Variants in LCE1D observed in about 807,000 individuals in gnomAD.
LCE1D encodes the protein late cornified envelope 1D, also known as late cornified envelope protein 1D.
For synonymous variants in LCE1D, 44 were observed against 65.0 expected (o/e 0.68, Z 1.55); for missense variants, 86 against 164.4 (o/e 0.52, Z 2.61).
chr1:152,797,603 G>T (rs562307911), intron 1 of LCE1D, among the ~76,000 whole-genome samples, 170 bp from the exon 2 acceptor site: 4 of 135,828 alleles, frequency 2.9e-5, no homozygotes, highest in African/African-American at 1.1e-4. Flanking sequence ...TTAGTTTACA[G>T]TTGTCTGACA....
rs1268725163 is a variant in LCE1D, at chr1:152,797,863, G to A, written c.69G>A (p.Lys23=). 1.0e-5 allele frequency: 15 copies of A among 1,438,178 alleles called. 4 individuals carry two copies. Among genetic ancestry groups the A allele is most frequent in the Non-Finnish European group, 1.5e-5 (15 of 1,033,410 alleles). 89.1% of individuals were successfully genotyped at this position (1,438,178 alleles called of 1,614,324 possible). A position where few individuals can be genotyped will look rare whatever the true frequency, so the allele number is the denominator to read the frequency against. ...AGTGCACTCCCAAGTGCACTCCCAA[G>A]TGCCCCGCCCCTAAATGTCCCCCTA... is the stretch of plus-strand genomic sequence containing the variant. ...PPKCTPKCTP[K]CPAPKCPPKC... The change falls in exon 2 of 2, where the codon AAG becomes AAA. Residue 23 remains lysine (K), a synonymous_variant. Transcript: ENST00000326233.
Position 152,797,992 on chromosome 1 carries a change from TG to T in LCE1D, c.203del (p.Gly68ValfsTer6), listed in dbSNP as rs1652105530. On this transcript the variant is annotated frameshift_variant, in exon 2 of 2. Coordinates refer to ENST00000326233, the MANE Select transcript of LCE1D (RefSeq NM_178352.3). LOFTEE classifies it high-confidence loss of function. ...GSNSGGCCSS[G>X]GGGCCLSHHR... ...CCAACTCTGGGGGCTGCTGCAGCTC[TG>T]GGGGTGGTGGCTGCTGCCTGAGCCA... 6.9e-7 allele frequency: 1 copy of T among 1,440,216 alleles called. No homozygotes were observed. Among genetic ancestry groups the T allele is most frequent in the South Asian group, 1.1e-5 (1 of 87,372 alleles). 89.2% of individuals were successfully genotyped at this position (1,440,216 alleles called of 1,614,324 possible).
In LCE1D at chr1:152,797,855, A is replaced by C. The variant is rs148081767; in HGVS notation, c.61A>C (p.Thr21Pro). 80 of 1,433,062 alleles carry C rather than the reference A, an allele frequency of 5.6e-5. 13 individuals are homozygous for C. Among genetic ancestry groups the C allele is most frequent in the African/African-American group, 2.2e-4 (15 of 66,760 alleles). The allele number at this position is 1,433,062 out of a possible 1,614,324, so 88.8% of individuals were successfully genotyped here. A position where few individuals can be genotyped will look rare whatever the true frequency, so the allele number is the denominator to read the frequency against. Residue 21 changes from threonine (T) to proline (P), a missense_variant, in exon 2 of 2, where the codon ACT (threonine) becomes CCT (proline). Physicochemically the swap from Thr to Pro is conservative, Grantham distance 38. Transcript: ENST00000326233. ...CCCTCCCAAGTGCACTCCCAAGTGCACTCCCAAGTGCCCCGCCCCTAAATG... is the reference window on the plus strand; with the variant it reads ...CCCTCCCAAGTGCACTCCCAAGTGCCCTCCCAAGTGCCCCGCCCCTAAATG... ...QPPPKCTPKC[T>P]PKCPAPKCPP...
chr1:152,796,827 C>T (rs1652079627), intron 1 of LCE1D, 56 bp downstream of exon 1: 1 of 136,706 alleles, frequency 7.3e-6, no homozygotes, highest in African/African-American at 2.6e-5. Flanking sequence ...GGGGCAGGGC[C>T]TCCGGGGCTA....
chr1:152,797,853 G>T lies in LCE1D; in HGVS notation c.59G>T (p.Cys20Phe), dbSNP rs764911205. 3.0e-5 allele frequency: 43 copies of T among 1,437,978 alleles called. 10 individuals carry two copies. Among genetic ancestry groups the T allele is most frequent in the Non-Finnish European group, 4.2e-5 (43 of 1,033,430 alleles). The allele number at this position is 1,437,978 out of a possible 1,614,324, so 89.1% of individuals were successfully genotyped here. The change falls in exon 2 of 2, where the codon TGC becomes TTC. Residue 20 changes from cysteine (C) to phenylalanine (F), a missense_variant. Transcript: ENST00000326233. ...CCCCCTCCCAAGTGCACTCCCAAGT[G>T]CACTCCCAAGTGCCCCGCCCCTAAA... is the stretch of plus-strand genomic sequence containing the variant. ...CQPPPKCTPK[C>F]TPKCPAPKCP... is the part of the protein sequence containing the mutation.
rs201917823 is a variant in LCE1D at position 152,797,792 on chromosome 1, G to T, written c.-3G>T. 92 of 1,438,056 alleles carry T rather than the reference G, an allele frequency of 6.4e-5. 19 individuals carry two copies. The highest frequency in any genetic ancestry group is 3.3e-4 in the South Asian group (29 of 87,240). The allele number at this position is 1,438,056 out of a possible 1,614,324, so 89.1% of individuals were successfully genotyped here. On this transcript the variant is annotated 5_prime_UTR_variant, in exon 2 of 2. Coordinates refer to ENST00000326233, the MANE Select transcript of LCE1D (RefSeq NM_178352.3). ...CCTCAGCTCCTGAACACCCACCACC[G>T]AGATGTCCTGCCAGCAGAGCCAGCA... is the stretch of plus-strand genomic sequence containing the variant.
chr1:152,798,177 G>A lies in LCE1D; in HGVS notation c.*38G>A, dbSNP rs202114532. ...CTTCCTCTTCCTTCTGATTCTGCCTGAATAGCTGAGAGGTTCCAGCAAAAG... is the reference window on the plus strand; with the variant it reads ...CTTCCTCTTCCTTCTGATTCTGCCTAAATAGCTGAGAGGTTCCAGCAAAAG... On this transcript the variant is annotated 3_prime_UTR_variant, in exon 2 of 2. Transcript: ENST00000326233. 849 of 1,307,782 alleles carry A rather than the reference G, an allele frequency of 6.5e-4. 51 individuals carry two copies. In the African/African-American group the frequency reaches 0.012, roughly 18 times the overall value. 81.0% of individuals were successfully genotyped at this position (1,307,782 alleles called of 1,614,324 possible).
intron 1 of LCE1D, 54 bp from the exon 2 acceptor site, chr1:152,797,718 CA>C: frequency 1.7e-6 from 2 of 1,169,514 alleles, no homozygotes; most frequent in Non-Finnish European, 2.5e-6. Context: ...AAGAGTGTCA[CA>C]GGGGCAGAGG....
In LCE1D at chr1:152,797,777, T is replaced by C; in HGVS notation, c.-18T>C. On this transcript the variant is annotated 5_prime_UTR_variant, in exon 2 of 2. Transcript: ENST00000326233. ...TGTTATTTGACTCTCCCTCAGCTCC[T>C]GAACACCCACCACCGAGATGTCCTG... 2 of 1,422,356 alleles carry C rather than the reference T, an allele frequency of 1.4e-6. 1 individual carries two copies. Among genetic ancestry groups the C allele is most frequent in the East Asian group, 4.5e-5 (2 of 44,434 alleles). 88.1% of individuals were successfully genotyped at this position (1,422,356 alleles called of 1,614,324 possible).
intron 1 of LCE1D, 61 bp from the exon 2 acceptor site, chr1:152,797,712 G>A: frequency 2.7e-6 from 3 of 1,101,452 alleles, no homozygotes; most frequent in Non-Finnish European, 4.0e-6. Flanking sequence ...GGTGCTAAGA[G>A]TGTCACAGGG....
rs548423166 is a variant in LCE1D at position 152,797,347 on chromosome 1, T to A, written c.-22-426T>A. On this transcript the variant is annotated intron_variant, in intron 1 of 1. Transcript: ENST00000326233. Reference sequence around the variant, plus strand: ...CTGCAGAAACTGCTAAGTTTATCTGTCTCTATTGAAGTGAGTTTACTGACC... The same window carrying A: ...CTGCAGAAACTGCTAAGTTTATCTGACTCTATTGAAGTGAGTTTACTGACC... Among the ~76,000 whole-genome samples, 5 of 135,248 alleles carry A rather than the reference T, an allele frequency of 3.7e-5. No individual in the cohort carries two copies. In the East Asian group the frequency reaches 7.8e-4, roughly 21 times the overall value. The allele number at this position is 135,248 out of a possible 152,430, so 88.7% of individuals were successfully genotyped here. A position where few individuals can be genotyped will look rare whatever the true frequency, so the allele number is the denominator to read the frequency against.
intron 1 of LCE1D, 132 bp from the exon 2 acceptor site, chr1:152,797,641 T>G: frequency 2.1e-5 from 14 of 674,418 alleles, no homozygotes; most frequent in African/African-American, 3.7e-5. Flanking sequence ...AAAGATGATG[T>G]GAGATTTTGA....
rs1652095259 is a variant in LCE1D at position 152,797,672 on chromosome 1, C to A, written c.-22-101C>A. 7 of 785,300 alleles carry A rather than the reference C, an allele frequency of 8.9e-6. 1 individual carries two copies. The Admixed American group carries it at 1.2e-4, about 14-fold the overall frequency. The allele number at this position is 785,300 out of a possible 1,614,324, so 48.6% of individuals were successfully genotyped here. A position where few individuals can be genotyped will look rare whatever the true frequency, so the allele number is the denominator to read the frequency against. On this transcript the variant is annotated intron_variant, in intron 1 of 1. Coordinates refer to ENST00000326233, the MANE Select transcript of LCE1D (RefSeq NM_178352.3). ...TTTGAGGAAATTATTGGAAATAAAACTACTGAAGATGATGCTTTTAAACTT... is the reference window on the plus strand; with the variant it reads ...TTTGAGGAAATTATTGGAAATAAAAATACTGAAGATGATGCTTTTAAACTT...
rs753670660 is a variant in LCE1D at position 152,797,845 on chromosome 1, T to C, written c.51T>C (p.Thr17=). 1.4e-6 allele frequency: 2 copies of C among 1,434,828 alleles called. No homozygotes were observed. The highest frequency in any genetic ancestry group is 4.5e-5 in the East Asian group (2 of 44,658). 88.9% of individuals were successfully genotyped at this position (1,434,828 alleles called of 1,614,324 possible). Residue 17 remains threonine, a synonymous_variant, in exon 2 of 2, where the codon ACT becomes ACC. Transcript: ENST00000326233. Reference sequence around the variant, plus strand: ...AGTGCCAGCCCCCTCCCAAGTGCACTCCCAAGTGCACTCCCAAGTGCCCCG... The same window carrying C: ...AGTGCCAGCCCCCTCCCAAGTGCACCCCCAAGTGCACTCCCAAGTGCCCCG... ...QQQCQPPPKC[T]PKCTPKCPAP...
intron 1 of LCE1D, among the ~76,000 whole-genome samples, chr1:152,797,438 C>G (rs771477370): frequency 7.4e-6 from 1 of 135,776 alleles, no homozygotes; most frequent in South Asian, 2.2e-4. Flanking sequence ...AAATTATGAC[C>G]AGAGAGAATG....
At chr1:152,797,696 T>C in intron 1 of LCE1D, 77 bp from the exon 2 acceptor site, 1 of 944,854 alleles carries the variant, frequency 1.1e-6, no homozygotes, top group African/African-American at 1.7e-5. Flanking sequence ...GCTTTTAAAC[T>C]TGAGAGGTGC....
chr1:152,798,076 G>A lies in LCE1D; in HGVS notation c.282G>A (p.Gln94=), dbSNP rs765709206. The A allele has an allele frequency of 7.0e-7, 1 of 1,429,922 alleles. No individual in the cohort carries two copies. The highest frequency in any genetic ancestry group is 9.7e-7 in the Non-Finnish European group (1 of 1,028,170). 88.6% of individuals were successfully genotyped at this position (1,429,922 alleles called of 1,614,324 possible). A position where few individuals can be genotyped will look rare whatever the true frequency, so the allele number is the denominator to read the frequency against. Residue 94 remains glutamine, a synonymous_variant, in exon 2 of 2, where the codon CAG becomes CAA. Transcript: ENST00000326233. ...RRPQSSDCCS[Q]PSGGSSCCGG... ...CCCAGAGCTCTGACTGCTGCAGCCA[G>A]CCCTCGGGGGGCTCCAGCTGCTGCG...
rs142021851 is a variant in LCE1D at position 152,798,026 on chromosome 1, C to T, written c.232C>T (p.Arg78Cys). ...TGGCTGCTGCCTGAGCCACCACAGG[C>T]GCCACAGGTCCCACCGTCGCAGACC... is the stretch of plus-strand genomic sequence containing the variant. ...GGGCCLSHHR[R>C]HRSHRRRPQS... The change falls in exon 2 of 2, where the codon CGC (arginine) becomes TGC (cysteine). Residue 78 changes from arginine to cysteine, a missense_variant. Coordinates refer to ENST00000326233, the MANE Select transcript of LCE1D (RefSeq NM_178352.3). The T allele has an allele frequency of 3.7e-4, 527 of 1,439,120 alleles. 132 individuals are homozygous for T. Among genetic ancestry groups the T allele is most frequent in the Non-Finnish European group, 4.5e-4 (468 of 1,033,980 alleles). 89.1% of individuals were successfully genotyped at this position (1,439,120 alleles called of 1,614,324 possible).
In LCE1D at chr1:152,797,909, T is replaced by C; in HGVS notation, c.115T>C (p.Cys39Arg). 1 of 1,472,750 alleles carries C rather than the reference T, an allele frequency of 6.8e-7. No homozygotes were observed. Among genetic ancestry groups the C allele is most frequent in the Non-Finnish European group, 9.4e-7 (1 of 1,064,316 alleles). The allele number at this position is 1,472,750 out of a possible 1,614,324, so 91.2% of individuals were successfully genotyped here. The stretch of plus-strand genomic sequence containing the variant: ...CCCTAAGTGCCCTCCAGTCTCTTCC[T>C]GCTGCAGTGTCAGCTCCGGAGGCTG... ...CPPKCPPVSS[C>R]CSVSSGGCCG... is the part of the protein sequence containing the mutation. The change falls in exon 2 of 2, where the codon TGC becomes CGC. Residue 39 changes from cysteine (C) to arginine (R), a missense_variant. Transcript: ENST00000326233.
Sources: gnomAD v4.1 joint callset for allele counts (sites outside exome capture counted in the v4.1 genomes callset) on GRCh38, gnomAD v4.1.1 for gene constraint, MANE v1.5 for transcripts, NCBI Gene and HGNC (gene_info 2026-07-23, HGNC 2026-07-21) for gene names.